Variants in IL1RAPL2 observed in about 807,000 individuals in gnomAD.
The protein encoded by IL1RAPL2 is X-linked interleukin-1 receptor accessory protein-like 2.
Under a neutral mutation model 44.1 loss-of-function variants are expected in IL1RAPL2, and 3 were observed. That is an observed-to-expected ratio of 0.07 (90% confidence interval 0.03 to 0.18). The LOEUF (loss-of-function observed/expected upper bound fraction) is 0.18. Ranked by LOEUF, IL1RAPL2 falls within the 10% of genes least tolerant of loss-of-function variation. The pLI, the probability that IL1RAPL2 is intolerant of heterozygous loss-of-function variation, is 1.00. For synonymous variants in IL1RAPL2, 181 were observed against 178.8 expected (o/e 1.01, Z -0.10); for missense variants, 391 against 496.4 (o/e 0.79, Z 2.02).
intron 1 of IL1RAPL2, among the ~76,000 whole-genome samples, chrX:104,644,143 G>T (rs769279831): frequency 5.7e-4 from 63 of 111,180 alleles, no homozygotes; most frequent in Non-Finnish European, 1.1e-3. Flanking sequence ...TGCACAATAT[G>T]CAGGTTAGTT....
intron 6 of IL1RAPL2, among the ~76,000 whole-genome samples, chrX:105,522,398 C>G (rs183473020): frequency 8.9e-6 from 1 of 112,485 alleles, no homozygotes; most frequent in East Asian, 2.8e-4. Context: ...TTAGCCCCAT[C>G]TGGGATTTGT....
In IL1RAPL2 at chrX:105,384,436, T is replaced by A. The variant is rs779400611; in HGVS notation, c.698-99877T>A. On this transcript the variant is annotated intron_variant, in intron 5 of 10. Transcript: ENST00000372582. ...TTGCCTGTAGCTGTGTCAATTTATT[T>A]CTGGTTTCCCTATTCTGTTATTTTA... is the stretch of plus-strand genomic sequence containing the variant. Among the ~76,000 whole-genome samples, 258 of 111,540 alleles carry A rather than the reference T, an allele frequency of 2.3e-3. 2 individuals are homozygous for A. Among genetic ancestry groups the A allele is most frequent in the Non-Finnish European group, 3.0e-3 (157 of 53,026 alleles).
At chrX:105,704,078 G>A (rs1310488329) in intron 6 of IL1RAPL2, among the ~76,000 whole-genome samples, 1 of 111,263 alleles carries the variant, frequency 9.0e-6, no homozygotes, top group African/African-American at 3.3e-5. Context: ...TTAGTTATGT[G>A]ACCTGCCAAA....
intron 2 of IL1RAPL2, among the ~76,000 whole-genome samples, chrX:105,156,753 AAAG>A (rs1380124515): frequency 3.6e-5 from 4 of 112,524 alleles, no homozygotes; most frequent in African/African-American, 9.7e-5. Context: ...GGTTCAGAGA[AAAG>A]AATATCTCTA....
chrX:105,072,642 T>C (rs1385024689), intron 2 of IL1RAPL2, among the ~76,000 whole-genome samples: 4 of 111,417 alleles, frequency 3.6e-5, no homozygotes, highest in Non-Finnish European at 5.7e-5. Context: ...TTCTTTTTTT[T>C]TTAAATTATT....
intron 2 of IL1RAPL2, among the ~76,000 whole-genome samples, chrX:104,766,490 C>T (rs1003875240): frequency 4.5e-5 from 5 of 110,929 alleles, no homozygotes; most frequent in Non-Finnish European, 9.4e-5. Context: ...ATTTTCCTTG[C>T]AGGTTCTATC....
chrX:105,442,311 G>A (rs931871777), intron 5 of IL1RAPL2, among the ~76,000 whole-genome samples: 7 of 110,574 alleles, frequency 6.3e-5, no homozygotes, highest in Non-Finnish European at 9.4e-5. Flanking sequence ...TGATCCACCC[G>A]CCTCAGCCTC....
intron 6 of IL1RAPL2, among the ~76,000 whole-genome samples, chrX:105,511,472 A>G (rs2147785951): frequency 9.0e-6 from 1 of 110,921 alleles, no homozygotes; most frequent in African/African-American, 3.3e-5. Flanking sequence ...TATGACATGT[A>G]CTTTGAGTTT....
intron 2 of IL1RAPL2, among the ~76,000 whole-genome samples, chrX:105,114,935 A>G (rs6621928): frequency 0.086 from 9,612 of 111,423 alleles, 1,022 homozygotes; most frequent in African/African-American, 0.3. Flanking sequence ...CCACATGCCA[A>G]CTATCTTATA....
intron 1 of IL1RAPL2, among the ~76,000 whole-genome samples, chrX:104,635,018 G>C (rs1158592538): frequency 2.7e-5 from 3 of 111,296 alleles, no homozygotes; most frequent in East Asian, 2.8e-4. Context: ...TTCTTCAGGA[G>C]CTCTTTTAGG....
At chrX:105,639,400 A>C (rs1288768907) in intron 6 of IL1RAPL2, among the ~76,000 whole-genome samples, 2 of 111,429 alleles carry the variant, frequency 1.8e-5, no homozygotes, top group African/African-American at 3.3e-5. Flanking sequence ...GCTCTCGTGA[A>C]ATCAGGCACA....
chrX:105,063,648 G>C (rs1451393524), intron 2 of IL1RAPL2, among the ~76,000 whole-genome samples: 4 of 111,546 alleles, frequency 3.6e-5, no homozygotes, highest in Non-Finnish European at 7.5e-5. Flanking sequence ...TGATGAGTTA[G>C]GTATTTATTT....
intron 5 of IL1RAPL2, among the ~76,000 whole-genome samples, chrX:105,355,947 T>A (rs1424517109): frequency 9.0e-6 from 1 of 111,369 alleles, no homozygotes; most frequent in Non-Finnish European, 1.9e-5. Flanking sequence ...AAGTTTGGAC[T>A]AATACTAGTA....
chrX:105,634,169 T>C (rs1243305573), intron 6 of IL1RAPL2, among the ~76,000 whole-genome samples: 1 of 111,131 alleles, frequency 9.0e-6, no homozygotes, highest in African/African-American at 3.3e-5. Context: ...TTAATCATAT[T>C]GACTGACTTT....
chrX:105,198,677 A>G (rs2033691892), intron 3 of IL1RAPL2, among the ~76,000 whole-genome samples: 1 of 111,363 alleles, frequency 9.0e-6, no homozygotes, highest in Non-Finnish European at 1.9e-5. Flanking sequence ...AGCGCATTGT[A>G]TTTGGTTGTC....
chrX:104,942,167 C>T (rs1925197802), intron 2 of IL1RAPL2, among the ~76,000 whole-genome samples: 2 of 111,631 alleles, frequency 1.8e-5, no homozygotes, highest in Non-Finnish European at 3.8e-5. Context: ...GGCTTAGGAT[C>T]ATCTTGGAAA....
chrX:105,397,463 A>G (rs1371471318), intron 5 of IL1RAPL2, among the ~76,000 whole-genome samples: 1 of 111,084 alleles, frequency 9.0e-6, no homozygotes, highest in Non-Finnish European at 1.9e-5. Context: ...ATTTTTAGCT[A>G]TTACTAGTTT....
chrX:105,696,999 TGGAG>T (rs2038081328), intron 6 of IL1RAPL2, among the ~76,000 whole-genome samples: 1 of 110,707 alleles, frequency 9.0e-6, no homozygotes, highest in Admixed American at 9.6e-5. Context: ...CTTTTACTCA[TGGAG>T]GAAGGTGAAG....
chrX:105,582,455 T>C (rs1207861364), intron 6 of IL1RAPL2, among the ~76,000 whole-genome samples: 1 of 111,525 alleles, frequency 9.0e-6, no homozygotes, highest in Non-Finnish European at 1.9e-5. Flanking sequence ...GAACAAGATA[T>C]ATTTCTCCAT....
Sources: gnomAD v4.1 joint callset for allele counts (sites outside exome capture counted in the v4.1 genomes callset) on GRCh38, gnomAD v4.1.1 for gene constraint, MANE v1.5 for transcripts, NCBI Gene and HGNC (gene_info 2026-07-23, HGNC 2026-07-21) for gene names.